Variants in CTPS1 observed in about 807,000 individuals in gnomAD.
The protein encoded by CTPS1 is CTP synthetase 1.
Under a neutral mutation model 80.5 loss-of-function variants are expected in CTPS1, and 25 were observed. The ratio of observed to expected loss-of-function variants is 0.31; its 90% CI spans 0.23 to 0.43. CTPS1 has a LOEUF of 0.43. Among genes scored for constraint, CTPS1 ranks in the 20% least tolerant of loss-of-function variants. CTPS1 has a pLI of 1.00. For synonymous variants in CTPS1, 267 were observed against 252.5 expected (o/e 1.06, Z -0.54); for missense variants, 442 against 725.7 (o/e 0.61, Z 4.49).
At chr1:41,005,904 G>A in intron 12 of CTPS1, 147 bp from the exon 13 acceptor site, 1 of 663,224 alleles carries the variant, frequency 1.5e-6, no homozygotes, top group Non-Finnish European at 2.7e-6. Context: ...CTCGTCTGGG[G>A]ATGAGGTCAG....
chr1:40,980,938 GCAGT>G (rs1651860678), intron 1 of CTPS1: 1 of 152,496 alleles, frequency 6.6e-6, no homozygotes, highest in South Asian at 2.1e-4. Context: ...TCTGAGTCGT[GCAGT>G]CAGTCCTTCA....
chr1:40,979,714 C>G lies in CTPS1; in HGVS notation c.-129C>G, dbSNP rs1651761139. On this transcript the variant is annotated 5_prime_UTR_variant, in exon 1 of 19. Coordinates refer to ENST00000650070, the MANE Select transcript of CTPS1 (RefSeq NM_001905.4). ...TGCGTGCGCACAGCCTAGAGCCCGC[C>G]TCCGTGAAAGACTGCCGGGCGCATG... 6 of 152,394 alleles carry G rather than the reference C, an allele frequency of 3.9e-5. No homozygotes were observed. Among genetic ancestry groups the G allele is most frequent in the Admixed American group, 3.9e-4 (6 of 15,292 alleles). 9.4% of individuals were successfully genotyped at this position (152,394 alleles called of 1,614,324 possible).
At chr1:40,981,502 A>T (rs1642289795) in intron 1 of CTPS1, among the ~76,000 whole-genome samples, 3 of 152,222 alleles carry the variant, frequency 2.0e-5, no homozygotes, top group South Asian at 4.1e-4. Flanking sequence ...TCAGTAAGGT[A>T]TATGTCTGGT....
At chr1:41,001,737 C>T (rs1642909448) in intron 10 of CTPS1, among the ~76,000 whole-genome samples, 1 of 152,158 alleles carries the variant, frequency 6.6e-6, no homozygotes, top group Non-Finnish European at 1.5e-5. Context: ...TAGGGAGACC[C>T]TGTTTCTACA....
intron 8 of CTPS1, among the ~76,000 whole-genome samples, chr1:40,996,572 A>G (rs1214794943): frequency 6.6e-6 from 1 of 152,130 alleles, no homozygotes; most frequent in Non-Finnish European, 1.5e-5. Flanking sequence ...TTCCTTCAGA[A>G]ATCTTCACTT....
In CTPS1 at chr1:41,012,080, G is replaced by A. The variant is rs983024914; in HGVS notation, c.*432G>A. The stretch of plus-strand genomic sequence containing the variant: ...ATTTTAGCTAGGATTTGAACACTTG[G>A]TGCTGGGAACCTCAGGGTATTGCTT... On this transcript the variant is annotated 3_prime_UTR_variant, in exon 19 of 19. Transcript: ENST00000650070. 2 of 152,208 alleles carry A rather than the reference G, an allele frequency of 1.3e-5. No individual in the cohort carries two copies. Among genetic ancestry groups the A allele is most frequent in the Admixed American group, 6.5e-5 (1 of 15,276 alleles). The allele number at this position is 152,208 out of a possible 1,614,324, so 9.4% of individuals were successfully genotyped here.
intron 12 of CTPS1, 26 bp from the exon 13 acceptor site, chr1:41,006,025 T>C (rs374943561): frequency 2.5e-6 from 4 of 1,590,720 alleles, no homozygotes; most frequent in Non-Finnish European, 1.7e-6. Context: ...GTAACTATTT[T>C]CATAACAAGT....
At chr1:40,997,240 C>T (rs542701143) in intron 8 of CTPS1, 154 bp from the exon 9 acceptor site, 29 of 828,344 alleles carry the variant, frequency 3.5e-5, no homozygotes, top group East Asian at 2.6e-4. Flanking sequence ...AAGATCCCCC[C>T]GCCTCAGCCT....
At chr1:41,011,281 G>A (rs1364138388) in intron 18 of CTPS1, among the ~76,000 whole-genome samples, 1 of 152,216 alleles carries the variant, frequency 6.6e-6, no homozygotes, top group Non-Finnish European at 1.5e-5. Context: ...CAGGGAGTTT[G>A]CTATAGGCTG....
chr1:41,002,767 T>G (rs1270629476), intron 11 of CTPS1, among the ~76,000 whole-genome samples: 1 of 152,070 alleles, frequency 6.6e-6, no homozygotes, highest in Non-Finnish European at 1.5e-5. Flanking sequence ...GGTTGCTGGA[T>G]CCCAGAAATT....
At chr1:40,980,612 A>G (rs1017716303) in intron 1 of CTPS1, 8 of 152,260 alleles carry the variant, frequency 5.3e-5, no homozygotes, top group African/African-American at 9.6e-5. Context: ...AGGTCTGCAC[A>G]CTAGTGATGG....
intron 3 of CTPS1, among the ~76,000 whole-genome samples, chr1:40,985,432 A>G (rs562126231): frequency 8.5e-5 from 13 of 152,376 alleles, no homozygotes; most frequent in Non-Finnish European, 1.2e-4. Context: ...CATCAGTGCC[A>G]TATGGCCTAG....
At chr1:40,999,659 C>T (rs1456064881) in intron 9 of CTPS1, among the ~76,000 whole-genome samples, 4 of 152,112 alleles carry the variant, frequency 2.6e-5, no homozygotes, top group South Asian at 2.1e-4. Flanking sequence ...AAGGTAGAGA[C>T]GTGTGATCCA....
In CTPS1 at chr1:40,987,353, TTTG is replaced by T; in HGVS notation, c.338-16_338-14del. On this transcript the variant is annotated splice_polypyrimidine_tract_variant and intron_variant, in intron 3 of 18. Transcript: ENST00000650070. ...TAGATGGACAAGCGTAAGTTCCCTGTTTGTTTTCTTTTTCCCAGTTGTCCCTCA... is the reference window on the plus strand; with the variant it reads ...TAGATGGACAAGCGTAAGTTCCCTGTTTTTCTTTTTCCCAGTTGTCCCTCA... 6.3e-7 allele frequency: 1 copy of T among 1,580,992 alleles called. No individual in the cohort carries two copies. The highest frequency in any genetic ancestry group is 8.7e-7 in the Non-Finnish European group (1 of 1,150,030).
At chr1:40,988,304 C>T (rs1211497703) in intron 4 of CTPS1, among the ~76,000 whole-genome samples, 6 of 147,422 alleles carry the variant, frequency 4.1e-5, no homozygotes, top group African/African-American at 1.3e-4. Flanking sequence ...TACTTTGTCA[C>T]TGTGATAGAG....
At position 40,987,387 on chromosome 1, in the gene CTPS1, C is replaced by T. The variant is rs1175574453; in HGVS notation, c.353C>T (p.Thr118Ile). The T allele has an allele frequency of 6.2e-7, 1 of 1,613,716 alleles. No individual in the cohort carries two copies. Among genetic ancestry groups the T allele is most frequent in the South Asian group, 1.1e-5 (1 of 91,068 alleles). ...TTTTTCCCAGTTGTCCCTCATATCA[C>T]AGATGCAATCCAGGAGTGGGTGATG... Reference protein sequence around the residue: ...GKTVQVVPHITDAIQEWVMRQ... With the variant: ...GKTVQVVPHIIDAIQEWVMRQ... Residue 118 changes from threonine (T) to isoleucine (I), a missense_variant, in exon 4 of 19, where the codon ACA becomes ATA. By Grantham distance (89) the Thr-to-Ile change is moderately conservative. Coordinates refer to ENST00000650070, the MANE Select transcript of CTPS1 (RefSeq NM_001905.4).
intron 7 of CTPS1, among the ~76,000 whole-genome samples, chr1:40,993,343 G>A (rs1368573208): frequency 2.0e-5 from 3 of 151,914 alleles, no homozygotes; most frequent in African/African-American, 7.2e-5. Flanking sequence ...GAGCTACCAC[G>A]CCTGGCCTTG....
At chr1:40,986,403 G>A (rs1416145019) in intron 3 of CTPS1, among the ~76,000 whole-genome samples, 1 of 152,250 alleles carries the variant, frequency 6.6e-6, no homozygotes, top group Non-Finnish European at 1.5e-5. Flanking sequence ...GAGAGCGGGG[G>A]TGGTAGCCAC....
At chr1:41,011,365 G>A (rs1314568786) in intron 18 of CTPS1, among the ~76,000 whole-genome samples, 2 of 152,220 alleles carry the variant, frequency 1.3e-5, no homozygotes, top group African/African-American at 2.4e-5. Flanking sequence ...TCAGTTACAT[G>A]GAATTTCTGA....
Sources: allele counts gnomAD v4.1 joint callset (sites outside exome capture counted in the v4.1 genomes callset), GRCh38; gene constraint gnomAD v4.1.1; transcripts MANE v1.5; gene names NCBI Gene and HGNC (gene_info 2026-07-23, HGNC 2026-07-21).